Variants in CERS6 observed in about 807,000 individuals in gnomAD.
The protein encoded by CERS6 is ceramide synthase 6, also known as LAG1 homolog, ceramide synthase 6.
CERS6 carries 26 observed loss-of-function variants against 56.8 expected under a neutral mutation model. The ratio of observed to expected loss-of-function variants is 0.46; its 90% CI spans 0.34 to 0.63. The LOEUF is 0.63. Ranked by LOEUF, CERS6 falls within the 30% of genes least tolerant of loss-of-function variation. The probability of loss-of-function intolerance (pLI) is 0.01; values close to 1 mark genes in which losing one functional copy is unlikely to be tolerated. For missense variants in CERS6, 415 were observed against 467.5 expected (o/e 0.89, Z 1.04); for synonymous variants, 164 against 173.3 (o/e 0.95, Z 0.42).
chr2:168,759,581 T>A (rs1684510098), intron 8 of CERS6, among the ~76,000 whole-genome samples: 1 of 152,208 alleles, frequency 6.6e-6, no homozygotes, highest in East Asian at 1.9e-4. Context: ...ACCACCCCAA[T>A]TGCTTAGCCT....
intron 1 of CERS6, among the ~76,000 whole-genome samples, chr2:168,508,270 G>C (rs930272769): frequency 1.3e-5 from 2 of 152,308 alleles, no homozygotes; most frequent in African/African-American, 4.8e-5. Context: ...GAAAGAATCA[G>C]CAAAATCTGG....
At chr2:168,622,058 A>G (rs1684484142) in intron 3 of CERS6, among the ~76,000 whole-genome samples, 1 of 152,314 alleles carries the variant, frequency 6.6e-6, no homozygotes, top group South Asian at 2.1e-4. Flanking sequence ...AAAATGTAAC[A>G]AGCACAGAGA....
chr2:168,652,425 A>C (rs1179392922), intron 4 of CERS6, among the ~76,000 whole-genome samples: 1 of 152,192 alleles, frequency 6.6e-6, no homozygotes, highest in Non-Finnish European at 1.5e-5. Context: ...TTAGGGATTA[A>C]GCCACGTAGC....
chr2:168,701,037 G>A (rs750567023), intron 6 of CERS6, among the ~76,000 whole-genome samples: 4 of 152,072 alleles, frequency 2.6e-5, no homozygotes, highest in Non-Finnish European at 4.4e-5. Flanking sequence ...TATAGTTGCC[G>A]GCATGGACTC....
intron 3 of CERS6, among the ~76,000 whole-genome samples, chr2:168,627,469 T>TGCCTGGCA (rs1684615955): frequency 6.6e-6 from 1 of 152,192 alleles, no homozygotes; most frequent in Admixed American, 6.5e-5. Flanking sequence ...AGAGGAAGTT[T>TGCCTGGCA]GCCTGGCAGA....
chr2:168,766,304 C>CT (rs1684727732), intron 9 of CERS6: 1 of 1,597,390 alleles, frequency 6.3e-7, no homozygotes, highest in African/African-American at 1.3e-5. Flanking sequence ...TGTTCTCTTC[C>CT]TTCTGCTACC....
At position 168,456,895 on chromosome 2, in the gene CERS6, C is replaced by T. The variant is rs1573994624; in HGVS notation, c.170+277C>T. ...CTCCTCCTGGGCCCTGCTCTCCTCC[C>T]GGCAAGGGCAGGCGAACAAAGGTGA... is the stretch of plus-strand genomic sequence containing the variant. On this transcript the variant is annotated intron_variant, in intron 1 of 9. Coordinates refer to ENST00000305747, the MANE Select transcript of CERS6 (RefSeq NM_203463.3). This position sits in a 1 kb window ranked among gnomAD's most constrained non-coding sequence, Gnocchi z 4.1. Among the ~76,000 whole-genome samples the T allele has an allele frequency of 6.6e-6, 1 of 152,328 alleles. No homozygotes were observed. Among genetic ancestry groups the T allele is most frequent in the East Asian group, 1.9e-4 (1 of 5,174 alleles).
intron 8 of CERS6, among the ~76,000 whole-genome samples, chr2:168,746,031 G>A (rs1684087905): frequency 6.6e-6 from 1 of 152,172 alleles, no homozygotes; most frequent in African/African-American, 2.4e-5. Flanking sequence ...CAGAAAGAGG[G>A]GTCAGGAATC....
chr2:168,676,273 T>G (rs537973992), intron 4 of CERS6, among the ~76,000 whole-genome samples: 1 of 152,306 alleles, frequency 6.6e-6, no homozygotes, highest in African/African-American at 2.4e-5. Flanking sequence ...TTATACACAG[T>G]TAATGTTAAC....
intron 1 of CERS6, among the ~76,000 whole-genome samples, chr2:168,487,225 C>T (rs1694291161): frequency 6.6e-6 from 1 of 152,094 alleles, no homozygotes; most frequent in South Asian, 2.1e-4. Context: ...TATTCTTTCT[C>T]CTTATTTATC....
At chr2:168,476,641 A>G (rs943946232) in intron 1 of CERS6, among the ~76,000 whole-genome samples, 7 of 152,268 alleles carry the variant, frequency 4.6e-5, no homozygotes, top group Admixed American at 3.3e-4. Context: ...AAAAGGCCTG[A>G]GAACGTAGTA....
In CERS6 at chr2:168,502,828, A is replaced by T. The variant is rs529456057; in HGVS notation, c.171-44768A>T. Among the ~76,000 whole-genome samples, 7 of 152,322 alleles carry T rather than the reference A, an allele frequency of 4.6e-5. No individual in the cohort carries two copies. In the East Asian group the frequency reaches 1.2e-3, roughly 25 times the overall value. On this transcript the variant is annotated intron_variant, in intron 1 of 9. Coordinates refer to ENST00000305747, the MANE Select transcript of CERS6 (RefSeq NM_203463.3). ...GTCTTTATCAGAGAGACCACCACAT[A>T]GCCTGCCCAATAGGAACCAGCACGG...
At chr2:168,695,891 T>C (rs1240943964) in intron 6 of CERS6, among the ~76,000 whole-genome samples, 3 of 152,166 alleles carry the variant, frequency 2.0e-5, no homozygotes, top group African/African-American at 4.8e-5. Context: ...ATAGTACTGG[T>C]TGAACATCCC....
chr2:168,690,204 A>C (rs941811353), intron 4 of CERS6, among the ~76,000 whole-genome samples: 3 of 152,150 alleles, frequency 2.0e-5, no homozygotes, highest in African/African-American at 7.2e-5. Flanking sequence ...AAACATATAG[A>C]TGTATATCAA....
chr2:168,609,422 C>G (rs1247988696), intron 3 of CERS6, among the ~76,000 whole-genome samples: 18 of 152,126 alleles, frequency 1.2e-4, no homozygotes, highest in Non-Finnish European at 2.9e-5. Context: ...GTGCTTTTTA[C>G]TAGAAGAGGA....
Position 168,691,101 on chromosome 2 carries a change from G to T in CERS6, c.516+17G>T. ...CCCTATCAGGTAAGGAGGCATTATT[G>T]TCTGGGTTTTTACACACATTAAGTA... On this transcript the variant is annotated intron_variant, in intron 5 of 9. Coordinates refer to ENST00000305747, the MANE Select transcript of CERS6 (RefSeq NM_203463.3). 2 of 1,611,020 alleles carry T rather than the reference G, an allele frequency of 1.2e-6. No homozygotes were observed. The highest frequency in any genetic ancestry group is 2.2e-5 in the East Asian group (1 of 44,862).
At chr2:168,765,207 G>A (rs558511130) in intron 8 of CERS6, among the ~76,000 whole-genome samples, 2 of 152,142 alleles carry the variant, frequency 1.3e-5, no homozygotes, top group Non-Finnish European at 2.9e-5. Context: ...AATGGGTGCC[G>A]AATCTTGGTT....
chr2:168,609,146 T>C (rs192598454), intron 3 of CERS6, among the ~76,000 whole-genome samples: 16 of 152,208 alleles, frequency 1.1e-4, no homozygotes, highest in Admixed American at 1.0e-3. Flanking sequence ...TCTTGGATGG[T>C]TGGTTCTATC....
At chr2:168,640,051 G>A (rs1684951235) in intron 4 of CERS6, among the ~76,000 whole-genome samples, 1 of 152,172 alleles carries the variant, frequency 6.6e-6, no homozygotes, top group Admixed American at 6.5e-5. Flanking sequence ...CCACAAGGAA[G>A]TGAAGAGTGA....
Sources: allele counts gnomAD v4.1 joint callset (sites outside exome capture counted in the v4.1 genomes callset), GRCh38; gene constraint gnomAD v4.1.1; non-coding constraint Gnocchi (gnomAD v3.1); transcripts MANE v1.5; gene names NCBI Gene and HGNC (gene_info 2026-07-23, HGNC 2026-07-21).